STXBP5L: variants seen among roughly 807,000 people sequenced by gnomAD.
The protein encoded by STXBP5L is syntaxin binding protein 5L.
STXBP5L carries 65 observed loss-of-function variants against 144.5 expected under a neutral mutation model. The ratio of observed to expected loss-of-function variants is 0.45; its 90% confidence interval spans 0.37 to 0.55. The LOEUF (loss-of-function observed/expected upper bound fraction) is 0.55. STXBP5L is among the 20% of genes least tolerant of loss of function. The pLI is 0.00. For synonymous variants in STXBP5L, 505 were observed against 469.6 expected, an observed-to-expected ratio of 1.08 and a Z score of -0.97; for missense variants, 1,298 against 1,405.5, an observed-to-expected ratio of 0.92 and a Z score of 1.22.
At chr3:121,389,854 T>C (rs754156194) in intron 22 of STXBP5L, among the ~76,000 whole-genome samples, 3 of 152,340 alleles carry the variant, frequency 2.0e-5, no homozygotes, top group South Asian at 4.1e-4. Flanking sequence ...GAGAAGAATG[T>C]ATATTCTGTT....
At chr3:120,977,824 G>T (rs1370235030) in intron 3 of STXBP5L, among the ~76,000 whole-genome samples, 3 of 152,192 alleles carry the variant, frequency 2.0e-5, no homozygotes, top group Non-Finnish European at 4.4e-5. Context: ...GGCTGGATAT[G>T]AAATTCTGGG....
At chr3:120,971,776 G>A (rs545743391) in intron 3 of STXBP5L, among the ~76,000 whole-genome samples, 15 of 116,232 alleles carry the variant, frequency 1.3e-4, no homozygotes, top group African/African-American at 4.0e-4. Flanking sequence ...GTATATATGT[G>A]TATGTATATA....
In STXBP5L at chr3:121,354,508, CTTTT is replaced by C. The variant is rs145703750; in HGVS notation, c.2177-24190_2177-24187del. On this transcript the variant is annotated intron_variant, in intron 20 of 26. Transcript: ENST00000471454. Reference sequence around the variant, plus strand: ...GTCAGAGGCTAGAATTGCAACCCTGCTTTTTTTTTTTTTTTTTTTTTGCTCTCCA... The same window carrying C: ...GTCAGAGGCTAGAATTGCAACCCTGCTTTTTTTTTTTTTTTTTGCTCTCCA... Among the ~76,000 whole-genome samples the C allele has an allele frequency of 3.2e-3, 217 of 67,522 alleles. 1 individual carries two copies. The highest frequency in any genetic ancestry group is 0.012 in the African/African-American group (205 of 17,126). The allele number at this position is 67,522 out of a possible 152,430, so 44.3% of individuals were successfully genotyped here.
At chr3:121,070,194 G>A (rs1037613522) in intron 5 of STXBP5L, among the ~76,000 whole-genome samples, 4 of 152,218 alleles carry the variant, frequency 2.6e-5, no homozygotes, top group African/African-American at 9.7e-5. Flanking sequence ...ACTTCTTAAG[G>A]TGGGAACTAC....
At chr3:121,056,022 C>T (rs1353433587) in intron 5 of STXBP5L, among the ~76,000 whole-genome samples, 1 of 152,002 alleles carries the variant, frequency 6.6e-6, no homozygotes, top group Non-Finnish European at 1.5e-5. Context: ...CTAGGCTAGA[C>T]TTGAACTACT....
chr3:121,040,770 G>T (rs1217023048), intron 3 of STXBP5L, among the ~76,000 whole-genome samples: 4 of 152,066 alleles, frequency 2.6e-5, no homozygotes, highest in Admixed American at 1.3e-4. Flanking sequence ...GCAGTAAACT[G>T]GGGCTATCAT....
At chr3:121,372,760 C>A (rs1478088835) in intron 20 of STXBP5L, among the ~76,000 whole-genome samples, 1 of 151,992 alleles carries the variant, frequency 6.6e-6, no homozygotes, top group African/African-American at 2.4e-5. Context: ...GGGAGATGTT[C>A]CCCTGGCTGC....
chr3:120,981,924 A>C (rs1941815696), intron 3 of STXBP5L, among the ~76,000 whole-genome samples: 1 of 152,154 alleles, frequency 6.6e-6, no homozygotes, highest in African/African-American at 2.4e-5. Context: ...TTCAGGTATC[A>C]AGGTACTGTA....
intron 3 of STXBP5L, among the ~76,000 whole-genome samples, chr3:121,028,310 G>A (rs1268048606): frequency 1.3e-5 from 2 of 151,912 alleles, no homozygotes; most frequent in African/African-American, 4.8e-5. Context: ...AGAAATTTTT[G>A]CAGTATTTTC....
At chr3:121,355,376 T>C (rs1235924776) in intron 20 of STXBP5L, among the ~76,000 whole-genome samples, 1 of 152,190 alleles carries the variant, frequency 6.6e-6, no homozygotes, top group African/African-American at 2.4e-5. Context: ...TTGGAGGCTT[T>C]GTTCATTTCT....
chr3:121,132,697 A>T (rs1201951587), intron 7 of STXBP5L, among the ~76,000 whole-genome samples: 1 of 152,224 alleles, frequency 6.6e-6, no homozygotes, highest in East Asian at 1.9e-4. Context: ...GACTTACTTG[A>T]TAGAGAATTA....
rs1425212969 is a variant in STXBP5L, at chr3:121,280,886, C to T, written c.2110+930C>T. On this transcript the variant is annotated intron_variant, in intron 19 of 26. Transcript: ENST00000471454. ...AGGCCAGTAATTCAAGACCAGTCTACGTAACATAGTGTGACCCCATCTCTA... is the reference window on the plus strand; with the variant it reads ...AGGCCAGTAATTCAAGACCAGTCTATGTAACATAGTGTGACCCCATCTCTA... Among the ~76,000 whole-genome samples, 3 of 150,988 alleles carry T rather than the reference C, an allele frequency of 2.0e-5. No individual in the cohort carries two copies. The East Asian group carries it at 5.8e-4, about 29-fold the overall frequency.
chr3:121,417,091 C>T (rs574012432), intron 25 of STXBP5L, among the ~76,000 whole-genome samples: 44 of 152,230 alleles, frequency 2.9e-4, no homozygotes, highest in African/African-American at 9.9e-4. Flanking sequence ...TGTATGATTC[C>T]ATTTATATAA....
chr3:120,933,713 A>G (rs1297491438), intron 2 of STXBP5L, among the ~76,000 whole-genome samples: 1 of 152,156 alleles, frequency 6.6e-6, no homozygotes, highest in Non-Finnish European at 1.5e-5. Flanking sequence ...AGAGATTAAT[A>G]TTCAAGATGA....
At chr3:121,149,393 C>T (rs1041479448) in intron 7 of STXBP5L, among the ~76,000 whole-genome samples, 35 of 151,954 alleles carry the variant, frequency 2.3e-4, no homozygotes, top group African/African-American at 7.7e-4. Context: ...AATGGGGAAA[C>T]ACTAGAGGCA....
intron 3 of STXBP5L, among the ~76,000 whole-genome samples, chr3:120,957,652 A>G (rs923241495): frequency 2.6e-5 from 4 of 152,014 alleles, no homozygotes; most frequent in African/African-American, 7.2e-5. Context: ...AGACTTCTGA[A>G]TTACTACTGA....
intron 2 of STXBP5L, among the ~76,000 whole-genome samples, chr3:120,930,164 C>CTTT (rs140390258): frequency 7.4e-6 from 1 of 136,002 alleles, no homozygotes; most frequent in Non-Finnish European, 1.6e-5. Flanking sequence ...TTTCTATTTT[C>CTTT]TTTTTTTTTT....
chr3:121,095,556 C>A (rs948367204), intron 5 of STXBP5L, among the ~76,000 whole-genome samples: 3 of 152,160 alleles, frequency 2.0e-5, no homozygotes, highest in East Asian at 1.9e-4. Context: ...TCACTGATAA[C>A]CTTTCTTCCA....
chr3:121,380,505 A>G (rs991667041), intron 21 of STXBP5L, among the ~76,000 whole-genome samples: 1 of 152,158 alleles, frequency 6.6e-6, no homozygotes, highest in Middle Eastern at 3.2e-3. Context: ...GACAACCTTG[A>G]TAACATTTCA....
Sources: allele counts gnomAD v4.1 joint callset (sites outside exome capture counted in the v4.1 genomes callset), GRCh38; gene constraint gnomAD v4.1.1; transcripts MANE v1.5; gene names NCBI Gene and HGNC (gene_info 2026-07-23, HGNC 2026-07-21).